Variants in VAV3 observed in about 807,000 individuals in gnomAD.
VAV3 encodes the protein guanine nucleotide exchange factor VAV3.
In VAV3, 94 loss-of-function variants were observed where a neutral mutation model predicts 131.2. That is an observed-to-expected ratio of 0.72 (90% CI 0.61 to 0.85). The LOEUF (loss-of-function observed/expected upper bound fraction) is 0.85, where lower values mean the gene tolerates loss of function less well. VAV3 is among the 40% of genes least tolerant of loss of function. The pLI is 0.00. For synonymous variants in VAV3, 349 were observed against 342.0 expected, an observed-to-expected ratio of 1.02 and a Z score of -0.22; for missense variants, 939 against 1,002.7, an observed-to-expected ratio of 0.94 and a Z score of 0.86.
At chr1:107,779,275 A>C (rs1191133674) in intron 3 of VAV3, among the ~76,000 whole-genome samples, 159 bp downstream of exon 3, 1 of 152,174 alleles carries the variant, frequency 6.6e-6, no homozygotes, top group Non-Finnish European at 1.5e-5. Context: ...TACCTTGCTC[A>C]ATTAATTTCA....
intron 1 of VAV3, among the ~76,000 whole-genome samples, chr1:107,941,398 G>A (rs1013128850): frequency 2.6e-5 from 4 of 152,180 alleles, no homozygotes; most frequent in South Asian, 2.1e-4. Flanking sequence ...GCTTTGGGCT[G>A]TAAAAACTGC....
At chr1:107,855,048 T>C (rs1355289594) in intron 2 of VAV3, among the ~76,000 whole-genome samples, 5 of 152,120 alleles carry the variant, frequency 3.3e-5, no homozygotes, top group Admixed American at 1.3e-4. Context: ...GCATGGAAGA[T>C]AGCACATCGA....
intron 15 of VAV3, among the ~76,000 whole-genome samples, chr1:107,739,030 T>C (rs1662852550): frequency 6.6e-6 from 1 of 152,224 alleles, no homozygotes; most frequent in African/African-American, 2.4e-5. Context: ...CAAACACTAA[T>C]TCAGCTTACT....
In VAV3 at chr1:107,751,123, T is replaced by C; in HGVS notation, c.1253A>G (p.Gln418Arg). ...AGTATTCTTCTTTTCTTACCTTTCTTGTTTGGTATGCTTGTCTAGAGTGGT... is the reference window on the plus strand; with the variant it reads ...AGTATTCTTCTTTTCTTACCTTTCTCGTTTGGTATGCTTGTCTAGAGTGGT... ...RITTLDKHTK[Q>R]ERHIFLFDLA... Residue 418 changes from glutamine (Q) to arginine (R), a missense_variant, in exon 13 of 27, where the codon CAA (glutamine) becomes CGA (arginine). Physicochemically the swap from Gln to Arg is conservative, Grantham distance 43. Coordinates refer to ENST00000370056, the MANE Select transcript of VAV3 (RefSeq NM_006113.5). 6.2e-7 allele frequency: 1 copy of C among 1,610,380 alleles called. No homozygotes were observed. The highest frequency in any genetic ancestry group is 8.5e-7 in the Non-Finnish European group (1 of 1,179,154).
rs1675360407 is a variant in VAV3, at chr1:107,964,926, GCCGCCGCCGCCGCGGTT to G, written c.-74_-58del. ...GGCGGGCGGCAAGGATGCGGCCGCC[GCCGCCGCCGCCGCGGTT>G]CCTCCGCGCCCCGCCGACGCCAACA... On this transcript the variant is annotated 5_prime_UTR_variant, in exon 1 of 27. Coordinates refer to ENST00000370056, the MANE Select transcript of VAV3 (RefSeq NM_006113.5). 8.3e-7 allele frequency: 1 copy of G among 1,202,366 alleles called. No individual in the cohort carries two copies. The highest frequency in any genetic ancestry group is 1.0e-6 in the Non-Finnish European group (1 of 964,800). The allele number at this position is 1,202,366 out of a possible 1,614,324, so 74.5% of individuals were successfully genotyped here.
chr1:107,713,132 C>A (rs1056840986), intron 15 of VAV3, among the ~76,000 whole-genome samples: 1 of 151,978 alleles, frequency 6.6e-6, no homozygotes, highest in African/African-American at 2.4e-5. Flanking sequence ...ATGAATACAG[C>A]CAACGATAAG....
intron 25 of VAV3, among the ~76,000 whole-genome samples, chr1:107,592,067 G>GTGTA (rs1651010697): frequency 6.6e-6 from 1 of 151,922 alleles, no homozygotes; most frequent in Admixed American, 6.6e-5. Flanking sequence ...GTGTGTGTGT[G>GTGTA]TGTGTGTGTG....
chr1:107,632,165 G>T (rs1279940674), intron 20 of VAV3, among the ~76,000 whole-genome samples: 1 of 152,132 alleles, frequency 6.6e-6, no homozygotes, highest in Non-Finnish European at 1.5e-5. Flanking sequence ...GTGAGCTGGG[G>T]ATAGTGTCAA....
At chr1:107,756,108 T>C (rs1197972407) in intron 11 of VAV3, among the ~76,000 whole-genome samples, 1 of 152,202 alleles carries the variant, frequency 6.6e-6, no homozygotes, top group Non-Finnish European at 1.5e-5. Context: ...TGGAACTAAA[T>C]TTAATTCATG....
Position 107,777,558 on chromosome 1 carries a change from T to C in VAV3, c.381-262A>G, listed in dbSNP as rs546578184. The C allele has an allele frequency of 1.2e-4, 62 of 510,826 alleles. No individual in the cohort carries two copies. The East Asian group carries it at 2.1e-3, about 17-fold the overall frequency. The allele number at this position is 510,826 out of a possible 1,614,324, so 31.6% of individuals were successfully genotyped here. On this transcript the variant is annotated intron_variant, in intron 3 of 26. Coordinates refer to ENST00000370056, the MANE Select transcript of VAV3 (RefSeq NM_006113.5). Reference sequence around the variant, plus strand: ...TACAGCTGGTCACCACAGTCACATGTGCAGGGGGTCATAATAACGTGCTTA... The same window carrying C: ...TACAGCTGGTCACCACAGTCACATGCGCAGGGGGTCATAATAACGTGCTTA...
rs369251760 is a variant in VAV3, at chr1:107,696,403, C to T, written c.1706-7997G>A. Among the ~76,000 whole-genome samples, 33 of 152,182 alleles carry T rather than the reference C, an allele frequency of 2.2e-4. No homozygotes were observed. In the South Asian group the frequency reaches 5.4e-3, roughly 25 times the overall value. ...ATAGGACATTATAATTTATTCTTCC[C>T]ATCTGGGTGTACTTCTGTATCCATT... On this transcript the variant is annotated intron_variant, in intron 17 of 26. Transcript: ENST00000370056.
At chr1:107,925,891 A>G (rs1268302825) in intron 1 of VAV3, among the ~76,000 whole-genome samples, 1 of 97,770 alleles carries the variant, frequency 1.0e-5, no homozygotes, top group Non-Finnish European at 2.1e-5. Context: ...TAAATATATA[A>G]CATATATGAT....
intron 1 of VAV3, among the ~76,000 whole-genome samples, chr1:107,959,243 G>A (rs554164912): frequency 7.9e-5 from 12 of 151,860 alleles, no homozygotes; most frequent in African/African-American, 2.2e-4. Flanking sequence ...CCTGGGTGAC[G>A]GAGCAAGACT....
intron 2 of VAV3, among the ~76,000 whole-genome samples, chr1:107,798,740 A>AAAG (rs1666683600): frequency 6.7e-6 from 1 of 150,348 alleles, no homozygotes; most frequent in Non-Finnish European, 1.5e-5. Flanking sequence ...AAAAAAAAAA[A>AAAG]AAAAGAAGAA....
chr1:107,916,543 C>T (rs1223492858), intron 1 of VAV3, among the ~76,000 whole-genome samples: 1 of 152,020 alleles, frequency 6.6e-6, no homozygotes, highest in African/African-American at 2.4e-5. Flanking sequence ...ATATTAAAAG[C>T]TTTAAAATAC....
At chr1:107,709,590 C>T (rs1414212797) in intron 15 of VAV3, among the ~76,000 whole-genome samples, 1 of 152,084 alleles carries the variant, frequency 6.6e-6, no homozygotes, top group Admixed American at 6.6e-5. Flanking sequence ...GTCCCCAACC[C>T]AAATTTTATC....
chr1:107,915,344 A>C lies in VAV3; in HGVS notation c.205-40327T>G, dbSNP rs148607571. On this transcript the variant is annotated intron_variant, in intron 1 of 26. Coordinates refer to ENST00000370056, the MANE Select transcript of VAV3 (RefSeq NM_006113.5). ...TTCCTTGCCCCAGCTTTTAATGCAA[A>C]CCCAAAAACACATGAGCCAAGAGAA... Among the ~76,000 whole-genome samples, 7 of 152,312 alleles carry C rather than the reference A, an allele frequency of 4.6e-5. No individual in the cohort carries two copies. In the East Asian group the frequency reaches 1.3e-3, roughly 29 times the overall value.
chr1:107,814,097 A>G (rs1327780289), intron 2 of VAV3, among the ~76,000 whole-genome samples: 1 of 151,914 alleles, frequency 6.6e-6, no homozygotes, highest in Non-Finnish European at 1.5e-5. Flanking sequence ...AATTGTGAAT[A>G]GTGCTGCAAT....
chr1:107,579,948 T>C (rs1297427101), intron 25 of VAV3, among the ~76,000 whole-genome samples: 1 of 152,196 alleles, frequency 6.6e-6, no homozygotes, highest in Non-Finnish European at 1.5e-5. Flanking sequence ...CTTCCCTGTC[T>C]CAAAAGTCCA....
Sources: gnomAD v4.1 joint callset for allele counts (sites outside exome capture counted in the v4.1 genomes callset) on GRCh38, gnomAD v4.1.1 for gene constraint, MANE v1.5 for transcripts, NCBI Gene and HGNC (gene_info 2026-07-23, HGNC 2026-07-21) for gene names.